SMNDC1: variants seen among roughly 807,000 people sequenced by gnomAD.
The protein encoded by SMNDC1 is survival of motor neuron-related-splicing factor 30.
A neutral mutation model predicts 29.2 loss-of-function variants in SMNDC1; 5 were observed. That is an observed-to-expected ratio of 0.17 (90% CI 0.09 to 0.36). The LOEUF (loss-of-function observed/expected upper bound fraction) is 0.36. Ranked by LOEUF, SMNDC1 falls within the 10% of genes least tolerant of loss-of-function variation. SMNDC1 has a pLI of 1.00. For missense variants in SMNDC1, 142 were observed against 268.5 expected (o/e 0.53, Z 3.29); for synonymous variants, 80 against 89.9 (o/e 0.89, Z 0.62).
intron 4 of SMNDC1, 24 bp from the exon 5 acceptor site, chr10:110,295,405 C>A: frequency 6.4e-7 from 1 of 1,565,984 alleles, no homozygotes; most frequent in South Asian, 1.2e-5. Flanking sequence ...AGTTAAATGT[C>A]AACTGTTAAG....
chr10:110,300,851 GT>G, intron 2 of SMNDC1: 6 of 308,724 alleles, frequency 1.9e-5, no homozygotes, highest in Non-Finnish European at 2.4e-5. Flanking sequence ...CGGGGAGCTA[GT>G]CAGCTAGCTA....
Position 110,291,730 on chromosome 10 carries a change from G to C in SMNDC1, c.*2420C>G, listed in dbSNP as rs952929764. The stretch of plus-strand genomic sequence containing the variant: ...ATAAACAAACACTAGTCTGGCTCTA[G>C]AGTCCTTGCTGTTTTCCAGTATGCT... On this transcript the variant is annotated 3_prime_UTR_variant, in exon 6 of 6. Coordinates refer to ENST00000369603, the MANE Select transcript of SMNDC1 (RefSeq NM_005871.4). 1.3e-5 allele frequency: 2 copies of C among 152,164 alleles called. No individual in the cohort carries two copies. Among genetic ancestry groups the C allele is most frequent in the African/African-American group, 4.8e-5 (2 of 41,436 alleles). 9.4% of individuals were successfully genotyped at this position (152,164 alleles called of 1,614,324 possible). A position where few individuals can be genotyped will look rare whatever the true frequency, so the allele number is the denominator to read the frequency against.
At position 110,296,649 on chromosome 10, in the gene SMNDC1, C is replaced by T. The variant is rs532548061; in HGVS notation, c.425+918G>A. 7.2e-5 allele frequency among the ~76,000 whole-genome samples: 11 copies of T among 152,322 alleles called. No homozygotes were observed. The South Asian group carries it at 1.7e-3, about 23-fold the overall frequency. ...CCATCATCTTATACCTGGATCACAG[C>T]AGTAGTTGCCTCTCCCTACTGACAG... On this transcript the variant is annotated intron_variant, in intron 4 of 5. Coordinates refer to ENST00000369603, the MANE Select transcript of SMNDC1 (RefSeq NM_005871.4).
intron 2 of SMNDC1, among the ~76,000 whole-genome samples, chr10:110,299,117 G>A (rs1242740814): frequency 6.6e-6 from 1 of 152,148 alleles, no homozygotes; most frequent in African/African-American, 2.4e-5. Flanking sequence ...CTAAAGATGA[G>A]AAAGTCAAGT....
At chr10:110,298,058 A>C (rs1857592676) in intron 3 of SMNDC1, among the ~76,000 whole-genome samples, 1 of 152,114 alleles carries the variant, frequency 6.6e-6, no homozygotes, top group East Asian at 1.9e-4. Flanking sequence ...GTGCAATCTC[A>C]GCTCACTTCA....
rs910885357 is a variant in SMNDC1, at chr10:110,295,208, G to T, written c.579+20C>A. 1.3e-6 allele frequency: 2 copies of T among 1,568,528 alleles called. No homozygotes were observed. The highest frequency in any genetic ancestry group is 2.3e-5 in the East Asian group (1 of 43,582). On this transcript the variant is annotated intron_variant, in intron 5 of 5. Transcript: ENST00000369603. ...CAGTTGCATTTCTCAAATTTACAAA[G>T]TGTAAAAAGATTTACCAACCTGGCC...
chr10:110,295,070 CA>C (rs1857546523), intron 5 of SMNDC1, among the ~76,000 whole-genome samples, 157 bp downstream of exon 5: 1 of 152,172 alleles, frequency 6.6e-6, no homozygotes, highest in Non-Finnish European at 1.5e-5. Flanking sequence ...CAATGGCTAA[CA>C]TTTTTCAATA....
chr10:110,302,374 G>C (rs1857665665), intron 2 of SMNDC1, among the ~76,000 whole-genome samples: 1 of 152,160 alleles, frequency 6.6e-6, no homozygotes, highest in African/African-American at 2.4e-5. Context: ...AACCCAGATA[G>C]TTTGTGTGTG....
At chr10:110,301,269 A>G (rs1857644011) in intron 2 of SMNDC1, among the ~76,000 whole-genome samples, 1 of 139,708 alleles carries the variant, frequency 7.2e-6, no homozygotes, top group South Asian at 2.5e-4. Flanking sequence ...TGAGGGGGGG[A>G]ACCCCACAGC....
Position 110,292,704 on chromosome 10 carries a change from G to A in SMNDC1, c.*1446C>T, listed in dbSNP as rs1857512327. The A allele has an allele frequency of 6.6e-6, 1 of 152,114 alleles. No homozygotes were observed. Among genetic ancestry groups the A allele is most frequent in the Admixed American group, 6.5e-5 (1 of 15,272 alleles). 9.4% of individuals were successfully genotyped at this position (152,114 alleles called of 1,614,324 possible). On this transcript the variant is annotated 3_prime_UTR_variant, in exon 6 of 6. Coordinates refer to ENST00000369603, the MANE Select transcript of SMNDC1 (RefSeq NM_005871.4). Reference sequence around the variant, plus strand: ...GAAGAAAAAGTGACCCTCCTGGGTTGAGAGGGGTGGGTGTGGAAGGGAGAG... The same window carrying A: ...GAAGAAAAAGTGACCCTCCTGGGTTAAGAGGGGTGGGTGTGGAAGGGAGAG...
intron 4 of SMNDC1, 117 bp downstream of exon 4, chr10:110,297,450 C>A: frequency 1.1e-6 from 1 of 948,924 alleles, no homozygotes. Flanking sequence ...TGCTAATCTT[C>A]AAAACAACGG....
At chr10:110,298,484 A>T (rs141300557) in intron 3 of SMNDC1, among the ~76,000 whole-genome samples, 164 bp downstream of exon 3, 1 of 152,326 alleles carries the variant, frequency 6.6e-6, no homozygotes, top group East Asian at 1.9e-4. Flanking sequence ...AGCTAAAACT[A>T]AACTGTATTA....
At chr10:110,304,102 C>T in intron 1 of SMNDC1, 1 of 152,456 alleles carries the variant, frequency 6.6e-6, no homozygotes, top group Non-Finnish European at 1.5e-5. Flanking sequence ...AAAAATCTTT[C>T]GCCCAGTCGC....
chr10:110,295,326 C>CT lies in SMNDC1; in HGVS notation c.480dup (p.Ala161SerfsTer8). The CT allele has an allele frequency of 6.2e-7, 1 of 1,606,500 alleles. No homozygotes were observed. Among genetic ancestry groups the CT allele is most frequent in the East Asian group, 2.2e-5 (1 of 44,636 alleles). On this transcript the variant is annotated frameshift_variant, in exon 5 of 6. Transcript: ENST00000369603. LOFTEE classifies it high-confidence loss of function. ...TGCTCAAGTTCTTTTATTCTCTGAG[C>CT]TTTTTTCAAAGCTTTCTTCTTTTTA...
intron 2 of SMNDC1, among the ~76,000 whole-genome samples, chr10:110,299,942 G>A (rs1857620078): frequency 1.3e-5 from 2 of 152,098 alleles, no homozygotes; most frequent in Non-Finnish European, 2.9e-5. Flanking sequence ...AAATTTAGTA[G>A]GAATAATATC....
In SMNDC1 at chr10:110,297,674, G is replaced by A. The variant is rs767727119; in HGVS notation, c.318C>T (p.Ile106=). 5.6e-6 allele frequency: 9 copies of A among 1,614,026 alleles called. No individual in the cohort carries two copies. The highest frequency in any genetic ancestry group is 7.6e-6 in the Non-Finnish European group (9 of 1,179,958). ...CAGCATTGCCATAACCAGCAAAGGT[G>A]ATTGCAGCGGTGCCATTTTCTTCAT... ...EIDEENGTAA[I]TFAGYGNAEV... is the part of the protein sequence containing the mutation. The change falls in exon 4 of 6, where the codon ATC becomes ATT. Residue 106 remains isoleucine, a synonymous_variant. Transcript: ENST00000369603.
intron 2 of SMNDC1, among the ~76,000 whole-genome samples, chr10:110,299,606 C>G (rs61882815): frequency 0.044 from 6,677 of 152,280 alleles, 415 homozygotes; most frequent in East Asian, 0.28. Context: ...TATATTGTTA[C>G]TCTAATGAAG....
rs1216776671 is a variant in SMNDC1, at chr10:110,290,860, T to A, written c.*3290A>T. ...TTTGGTTGAATTTACAACTGGTAGT[T>A]TTTTATCTTATAAAAATTGTAATTA... is the stretch of plus-strand genomic sequence containing the variant. On this transcript the variant is annotated 3_prime_UTR_variant, in exon 6 of 6. Transcript: ENST00000369603. 1.3e-5 allele frequency: 2 copies of A among 152,190 alleles called. No individual in the cohort carries two copies. Among genetic ancestry groups the A allele is most frequent in the African/African-American group, 4.8e-5 (2 of 41,446 alleles). The allele number at this position is 152,190 out of a possible 1,614,324, so 9.4% of individuals were successfully genotyped here.
chr10:110,297,929 G>C (rs1211116184), intron 3 of SMNDC1, among the ~76,000 whole-genome samples: 2 of 152,188 alleles, frequency 1.3e-5, no homozygotes, highest in Non-Finnish European at 2.9e-5. Flanking sequence ...TCATAATATT[G>C]CTGGGCAAGT....
Sources: gnomAD v4.1 joint callset for allele counts (sites outside exome capture counted in the v4.1 genomes callset) on GRCh38, gnomAD v4.1.1 for gene constraint, MANE v1.5 for transcripts, NCBI Gene and HGNC (gene_info 2026-07-23, HGNC 2026-07-21) for gene names.